Variants in LSAMP observed in about 807,000 individuals in gnomAD.
LSAMP encodes limbic system associated membrane protein, also known as limbic system-associated membrane protein.
Under a neutral mutation model 38.6 loss-of-function variants are expected in LSAMP, and 7 were observed. The ratio of observed to expected loss-of-function variants is 0.18; its 90% CI spans 0.10 to 0.34. The LOEUF is 0.34. Ranked by LOEUF, LSAMP falls within the 10% of genes least tolerant of loss-of-function variation. LSAMP has a pLI of 1.00. For synonymous variants in LSAMP, 154 were observed against 166.8 expected, an observed-to-expected ratio of 0.92 and a Z score of 0.59; for missense variants, 313 against 420.0, an observed-to-expected ratio of 0.75 and a Z score of 2.23.
intron 1 of LSAMP, among the ~76,000 whole-genome samples, chr3:116,326,465 A>G (rs910420617): frequency 6.6e-6 from 1 of 152,126 alleles, no homozygotes; most frequent in Admixed American, 6.6e-5. Context: ...GTGCCCTTGG[A>G]TCCTCTGTCC....
At position 115,830,862 on chromosome 3, in the gene LSAMP, G is replaced by A. The variant is rs555753664; in HGVS notation, c.919+10983C>T. On this transcript the variant is annotated intron_variant, in intron 6 of 6. Coordinates refer to ENST00000490035, the MANE Select transcript of LSAMP (RefSeq NM_002338.5). ...GGGAATGCCAGGTGAGGGCAGGTAC[G>A]CCCTCTCCTCTAACTGTAGATAGGA... 4.5e-3 allele frequency among the ~76,000 whole-genome samples: 689 copies of A among 152,232 alleles called. 4 individuals carry two copies. Among genetic ancestry groups the A allele is most frequent in the Non-Finnish European group, 6.3e-3 (430 of 68,012 alleles).
At chr3:115,883,894 G>GA (rs984159655) in intron 3 of LSAMP, among the ~76,000 whole-genome samples, 1 of 151,724 alleles carries the variant, frequency 6.6e-6, no homozygotes, top group Admixed American at 6.6e-5. Context: ...GAATGGAATA[G>GA]AAAAAAATGA....
chr3:116,330,056 T>C (rs1056370606), intron 1 of LSAMP, among the ~76,000 whole-genome samples: 1 of 152,156 alleles, frequency 6.6e-6, no homozygotes, highest in African/African-American at 2.4e-5. Flanking sequence ...AATCTTTGCA[T>C]AGTGTTCAGT....
At chr3:116,411,657 AG>A (rs1209288382) in intron 1 of LSAMP, among the ~76,000 whole-genome samples, 8 of 148,370 alleles carry the variant, frequency 5.4e-5, no homozygotes, top group Non-Finnish European at 9.0e-5. Context: ...GGATAGCATT[AG>A]GAGATACACC....
At chr3:116,366,816 TTGATTTGGACATTTAATAA>T (rs1167468313) in intron 1 of LSAMP, among the ~76,000 whole-genome samples, 2 of 152,162 alleles carry the variant, frequency 1.3e-5, no homozygotes, top group Non-Finnish European at 2.9e-5. Context: ...AGAAGGGCTA[TTGATTTGGACATTTAATAA>T]TATTTTCTCA....
At chr3:116,244,199 T>C (rs2046575211) in intron 1 of LSAMP, among the ~76,000 whole-genome samples, 1 of 152,222 alleles carries the variant, frequency 6.6e-6, no homozygotes, top group South Asian at 2.1e-4. Context: ...TATGCTATCC[T>C]GAGTCTTAAG....
At chr3:116,196,985 T>C (rs1188469008) in intron 1 of LSAMP, among the ~76,000 whole-genome samples, 1 of 152,182 alleles carries the variant, frequency 6.6e-6, no homozygotes, top group Non-Finnish European at 1.5e-5. Flanking sequence ...CCAAACTGTC[T>C]GCACCTCCCA....
At chr3:116,418,145 G>A (rs994882229) in intron 1 of LSAMP, among the ~76,000 whole-genome samples, 2 of 152,094 alleles carry the variant, frequency 1.3e-5, no homozygotes, top group Non-Finnish European at 2.9e-5. Context: ...AGCCACAGTT[G>A]AGCCAATGTA....
chr3:115,862,852 G>C (rs1935746961), intron 3 of LSAMP, among the ~76,000 whole-genome samples: 1 of 152,224 alleles, frequency 6.6e-6, no homozygotes, highest in South Asian at 2.1e-4. Flanking sequence ...CTGTAAAGCA[G>C]ATGGATCACA....
chr3:115,913,169 C>T (rs1041496738), intron 3 of LSAMP, among the ~76,000 whole-genome samples: 1 of 152,108 alleles, frequency 6.6e-6, no homozygotes, highest in Non-Finnish European at 1.5e-5. Context: ...ATAGCGAAGA[C>T]AGATGCATCA....
In LSAMP at chr3:115,810,347, T is replaced by A; in HGVS notation, c.987A>T (p.Ala329=). The change falls in exon 7 of 7, where the codon GCA becomes GCT. Residue 329 remains alanine (A), a synonymous_variant. Transcript: ENST00000490035. ...SLAVPLWLLA[A]SLLCLLSKC ...ATTTGCTGAGAAGGCAGAGCAGAGA[T>A]GCTGCCAGCAGCCACAGTGGTACGG... 1 of 1,613,574 alleles carries A rather than the reference T, an allele frequency of 6.2e-7. No individual in the cohort carries two copies. Among genetic ancestry groups the A allele is most frequent in the Non-Finnish European group, 8.5e-7 (1 of 1,179,678 alleles).
chr3:116,380,268 A>C (rs1421275264), intron 1 of LSAMP, among the ~76,000 whole-genome samples: 2 of 152,100 alleles, frequency 1.3e-5, no homozygotes, highest in Non-Finnish European at 2.9e-5. Flanking sequence ...AGCTGTTTTT[A>C]ATATTACTAT....
Sources: allele counts gnomAD v4.1 joint callset (sites outside exome capture counted in the v4.1 genomes callset), GRCh38; gene constraint gnomAD v4.1.1; transcripts MANE v1.5; gene names NCBI Gene and HGNC (gene_info 2026-07-23, HGNC 2026-07-21).